The following CDH4 variants were observed in gnomAD, a reference collection of about 807,000 sequenced individuals.
CDH4 encodes cadherin 4.
CDH4 carries 33 observed loss-of-function variants against 86.0 expected under a neutral mutation model. The ratio of observed to expected loss-of-function variants is 0.38; its 90% confidence interval spans 0.29 to 0.51. The LOEUF (loss-of-function observed/expected upper bound fraction) is 0.51. CDH4 is among the 20% of genes least tolerant of loss of function. CDH4 has a pLI of 0.86. For synonymous variants in CDH4, 555 were observed against 549.4 expected, an observed-to-expected ratio of 1.01 and a Z score of -0.14; for missense variants, 1,114 against 1,307.4, an observed-to-expected ratio of 0.85 and a Z score of 2.28.
At chr20:61,500,887 A>C (rs2085696120) in intron 2 of CDH4, among the ~76,000 whole-genome samples, 1 of 152,224 alleles carries the variant, frequency 6.6e-6, no homozygotes, top group African/African-American at 2.4e-5. Context: ...CCTCAGGCCC[A>C]CGCAGCCGCT....
intron 2 of CDH4, among the ~76,000 whole-genome samples, chr20:61,418,262 C>G (rs62199124): frequency 7.4e-5 from 11 of 148,118 alleles, no homozygotes; most frequent in African/African-American, 2.0e-4. Context: ...CCAGGCTGGA[C>G]TGCAGTGGCA....
intron 2 of CDH4, among the ~76,000 whole-genome samples, chr20:61,257,480 C>T (rs545422376): frequency 1.2e-4 from 19 of 152,350 alleles, no homozygotes; most frequent in African/African-American, 3.8e-4. Context: ...TATGGAAATG[C>T]GGGACTTCGC....
intron 2 of CDH4, among the ~76,000 whole-genome samples, chr20:61,355,408 G>A (rs2084743117): frequency 6.6e-6 from 1 of 152,200 alleles, no homozygotes; most frequent in African/African-American, 2.4e-5. Flanking sequence ...AGGACTGAAG[G>A]GGAAGGTGAT....
chr20:61,527,466 CCTCAAA>C (rs2085919184), intron 2 of CDH4, among the ~76,000 whole-genome samples: 1 of 152,160 alleles, frequency 6.6e-6, no homozygotes. Flanking sequence ...GCTAGGCTGT[CCTCAAA>C]CTCCTGACCT....
At chr20:61,929,923 G>T in intron 13 of CDH4, 81 bp downstream of exon 13, 1 of 1,106,644 alleles carries the variant, frequency 9.0e-7, no homozygotes. Flanking sequence ...GCAGAGGGGG[G>T]CCTGGATTTG....
intron 2 of CDH4, among the ~76,000 whole-genome samples, chr20:61,601,831 G>A (rs1186832711): frequency 6.6e-6 from 1 of 152,214 alleles, no homozygotes; most frequent in Non-Finnish European, 1.5e-5. Flanking sequence ...ATGCCCACAG[G>A]GGCTGCACAG....
intron 8 of CDH4, among the ~76,000 whole-genome samples, chr20:61,903,773 C>T (rs1189273735): frequency 6.6e-6 from 1 of 152,128 alleles, no homozygotes; most frequent in African/African-American, 2.4e-5. Flanking sequence ...TGACCTCGGG[C>T]AGGTTGCCTC....
At chr20:61,850,887 C>T (rs958143359) in intron 5 of CDH4, among the ~76,000 whole-genome samples, 12 of 152,270 alleles carry the variant, frequency 7.9e-5, no homozygotes, top group Non-Finnish European at 1.3e-4. Flanking sequence ...AAGGAGGACA[C>T]AGGCCACGGG....
intron 2 of CDH4, among the ~76,000 whole-genome samples, chr20:61,331,653 A>C (rs6101317): frequency 1.0e-3 from 23 of 22,708 alleles, no homozygotes; most frequent in Middle Eastern, 0.017. Context: ...CTCCCGCCCC[A>C]GCCACCTGCC....
chr20:61,882,401 T>G (rs1984321830), intron 7 of CDH4, among the ~76,000 whole-genome samples: 2 of 152,108 alleles, frequency 1.3e-5, no homozygotes, highest in Non-Finnish European at 2.9e-5. Context: ...ACCACAGAGG[T>G]GCAGTTTGTA....
At chr20:61,743,866 G>A in intron 3 of CDH4, 77 bp downstream of exon 3, 1 of 1,129,290 alleles carries the variant, frequency 8.9e-7, no homozygotes, top group South Asian at 1.3e-5. Context: ...CAGAGCCTCT[G>A]CCAGGGCTCC....
intron 2 of CDH4, among the ~76,000 whole-genome samples, chr20:61,720,815 T>A (rs988922011): frequency 1.3e-5 from 2 of 152,124 alleles, no homozygotes; most frequent in Non-Finnish European, 2.9e-5. Context: ...TACCATCACA[T>A]TGAATTGTCT....
intron 2 of CDH4, among the ~76,000 whole-genome samples, chr20:61,262,670 T>C (rs2084134056): frequency 6.6e-6 from 1 of 152,238 alleles, no homozygotes; most frequent in South Asian, 2.1e-4. Flanking sequence ...TGACACTAAT[T>C]TCAAAATGTG....
chr20:61,805,714 G>A (rs901395562), intron 4 of CDH4, among the ~76,000 whole-genome samples: 1 of 152,220 alleles, frequency 6.6e-6, no homozygotes, highest in Non-Finnish European at 1.5e-5. Flanking sequence ...ATTGGGAGAT[G>A]CTCAAGCTCA....
chr20:61,835,842 G>A (rs1482483959), intron 4 of CDH4, among the ~76,000 whole-genome samples: 1 of 152,190 alleles, frequency 6.6e-6, no homozygotes, highest in Non-Finnish European at 1.5e-5. Context: ...GTCGCCCTCT[G>A]GTCAGCTCTG....
intron 2 of CDH4, among the ~76,000 whole-genome samples, chr20:61,628,255 G>C (rs907388263): frequency 6.6e-6 from 1 of 152,078 alleles, no homozygotes; most frequent in Non-Finnish European, 1.5e-5. Context: ...CTGAGGTCTC[G>C]TAGAGATGGT....
At position 61,939,250 on chromosome 20, in the gene CDH4, AACTCCGGGCTGATGTTCCCAGG is replaced by A. The variant is rs1389077998; in HGVS notation, c.*2310_*2331del. 1 of 152,242 alleles carries A rather than the reference AACTCCGGGCTGATGTTCCCAGG, an allele frequency of 6.6e-6. No individual in the cohort carries two copies. The highest frequency in any genetic ancestry group is 1.5e-5 in the Non-Finnish European group (1 of 68,080). 9.4% of individuals were successfully genotyped at this position (152,242 alleles called of 1,614,324 possible). On this transcript the variant is annotated 3_prime_UTR_variant, in exon 16 of 16. Coordinates refer to ENST00000614565, the MANE Select transcript of CDH4 (RefSeq NM_001794.5). Reference sequence around the variant, plus strand: ...TTTCGAGGCCTCCTTGGGTTCCCTGAACTCCGGGCTGATGTTCCCAGGACCCAGCACCAGGAGACCCCAGTCC... The same window carrying A: ...TTTCGAGGCCTCCTTGGGTTCCCTGAACCCAGCACCAGGAGACCCCAGTCC...
chr20:61,894,897 G>A lies in CDH4; in HGVS notation c.1051-13G>A. 6.2e-7 allele frequency: 1 copy of A among 1,607,366 alleles called. No homozygotes were observed. Among genetic ancestry groups the A allele is most frequent in the Non-Finnish European group, 8.5e-7 (1 of 1,177,052 alleles). ...GATTTTCTGTTCTTTCTCAACTGGT[G>A]TCTCCCTTCCAGAAAGTTCAGCAGT... On this transcript the variant is annotated splice_polypyrimidine_tract_variant and intron_variant, in intron 7 of 15. Transcript: ENST00000614565.
chr20:61,324,936 AC>A (rs2084528817), intron 2 of CDH4, among the ~76,000 whole-genome samples: 1 of 152,128 alleles, frequency 6.6e-6, no homozygotes, highest in Non-Finnish European at 1.5e-5. Flanking sequence ...TTCCGAGACC[AC>A]ATCGAGCCTG....
Sources: allele counts gnomAD v4.1 joint callset (sites outside exome capture counted in the v4.1 genomes callset), GRCh38; gene constraint gnomAD v4.1.1; transcripts MANE v1.5; gene names NCBI Gene and HGNC (gene_info 2026-07-23, HGNC 2026-07-21).